Variants in PDE10A observed in about 807,000 individuals in gnomAD.
PDE10A encodes the protein cAMP and cAMP-inhibited cGMP 3',5'-cyclic phosphodiesterase 10A.
A neutral mutation model predicts 97.7 loss-of-function variants in PDE10A; 39 were observed. The ratio of observed to expected loss-of-function variants is 0.40; its 90% CI spans 0.31 to 0.52. The LOEUF (loss-of-function observed/expected upper bound fraction) is 0.52. PDE10A is among the 20% of genes least tolerant of loss of function. The pLI is 0.56. For missense variants in PDE10A, 731 were observed against 1,047.8 expected (o/e 0.70, Z 4.17); for synonymous variants, 371 against 376.8 (o/e 0.98, Z 0.18).
At chr6:165,547,711 A>G (rs1446464316) in intron 1 of PDE10A, among the ~76,000 whole-genome samples, 1 of 152,206 alleles carries the variant, frequency 6.6e-6, no homozygotes, top group African/African-American at 2.4e-5. Context: ...ATATTGAGCC[A>G]TAGAGCAGTG....
intron 18 of PDE10A, among the ~76,000 whole-genome samples, chr6:165,343,874 T>C (rs1562366183): frequency 1.3e-5 from 2 of 152,158 alleles, no homozygotes; most frequent in South Asian, 4.1e-4. Flanking sequence ...TGGGAAGACG[T>C]CTTAAGAGAA....
At position 165,328,667 on chromosome 6, in the gene PDE10A, G is replaced by A. The variant is rs898416866; in HGVS notation, c.*4358C>T. On this transcript the variant is annotated 3_prime_UTR_variant, in exon 22 of 22. Transcript: ENST00000539869. ...CAAGTGAGGACAGCATTGCTTCTTCGGATGTTAAATGTGTTTCTTAGGTAA... is the reference window on the plus strand; with the variant it reads ...CAAGTGAGGACAGCATTGCTTCTTCAGATGTTAAATGTGTTTCTTAGGTAA... 9 of 152,106 alleles carry A rather than the reference G, an allele frequency of 5.9e-5. No homozygotes were observed. Among genetic ancestry groups the A allele is most frequent in the African/African-American group, 1.9e-4 (8 of 41,420 alleles). 9.4% of individuals were successfully genotyped at this position (152,106 alleles called of 1,614,324 possible).
At chr6:165,893,208 T>A (rs1675271016) in intron 1 of PDE10A, among the ~76,000 whole-genome samples, 1 of 152,224 alleles carries the variant, frequency 6.6e-6, no homozygotes. Context: ...GTTATCAAAA[T>A]CAGGAAATAA....
chr6:165,664,970 T>C (rs139014771), upstream of PDE10A, among the ~76,000 whole-genome samples: 1,840 of 152,350 alleles, frequency 0.012, 24 homozygotes, highest in Non-Finnish European at 0.016. Context: ...CCCAAATATT[T>C]GTCCTGGGAG....
At chr6:165,679,437 T>G (rs904287761) in intron 1 of PDE10A, among the ~76,000 whole-genome samples, 1 of 152,176 alleles carries the variant, frequency 6.6e-6, no homozygotes, top group Admixed American at 6.5e-5. Context: ...CTGGAAAGAC[T>G]GCCTGGAAAG....
chr6:165,658,294 C>T (rs1022978364), intron 1 of PDE10A, among the ~76,000 whole-genome samples: 1 of 152,176 alleles, frequency 6.6e-6, no homozygotes, highest in African/African-American at 2.4e-5. Context: ...CTCCACAATT[C>T]CTGGGAGCAT....
At chr6:165,468,331 G>A (rs187802808) in intron 3 of PDE10A, among the ~76,000 whole-genome samples, 37 of 151,166 alleles carry the variant, frequency 2.4e-4, no homozygotes, top group Middle Eastern at 3.4e-3. Flanking sequence ...CTCGTGATCC[G>A]CCCGCCTCAG....
At chr6:165,839,246 T>G (rs1780148739) in intron 1 of PDE10A, among the ~76,000 whole-genome samples, 3 of 152,218 alleles carry the variant, frequency 2.0e-5, no homozygotes, top group Non-Finnish European at 4.4e-5. Context: ...AAATAGTGTC[T>G]TTCAGCAGAG....
chr6:165,366,856 T>C (rs756087423), intron 18 of PDE10A, among the ~76,000 whole-genome samples: 1 of 152,108 alleles, frequency 6.6e-6, no homozygotes, highest in African/African-American at 2.4e-5. Context: ...TGATGAGAAA[T>C]GCAACTGGCC....
intron 1 of PDE10A, among the ~76,000 whole-genome samples, chr6:165,707,712 CGTGT>C (rs917573215): frequency 4.8e-4 from 73 of 151,298 alleles, no homozygotes; most frequent in African/African-American, 1.7e-3. Flanking sequence ...TGAGACTGTG[CGTGT>C]GTGTATGAGT....
At chr6:165,457,379 A>G (rs1475440366) in intron 3 of PDE10A, among the ~76,000 whole-genome samples, 1 of 152,174 alleles carries the variant, frequency 6.6e-6, no homozygotes, top group African/African-American at 2.4e-5. Context: ...TCCCAAATCA[A>G]ATTGGATACC....
At chr6:165,621,396 G>A (rs1788126390) in intron 1 of PDE10A, among the ~76,000 whole-genome samples, 1 of 151,970 alleles carries the variant, frequency 6.6e-6, no homozygotes, top group Admixed American at 6.6e-5. Context: ...TTCTGGAATT[G>A]AAAAACCCCT....
chr6:165,675,677 C>G (rs942715152), intron 1 of PDE10A, among the ~76,000 whole-genome samples: 1 of 152,138 alleles, frequency 6.6e-6, no homozygotes, highest in Non-Finnish European at 1.5e-5. Flanking sequence ...GACCTCAATG[C>G]CAAGCCTCAT....
chr6:165,439,728 G>A (rs1183760919), intron 5 of PDE10A, among the ~76,000 whole-genome samples: 1 of 152,124 alleles, frequency 6.6e-6, no homozygotes, highest in African/African-American at 2.4e-5. Flanking sequence ...AAAAGATTGG[G>A]CGCACAAGTC....
chr6:165,713,199 G>A (rs879660711), intron 1 of PDE10A, among the ~76,000 whole-genome samples: 1 of 152,176 alleles, frequency 6.6e-6, no homozygotes, highest in Non-Finnish European at 1.5e-5. Context: ...ACGAGTGCCC[G>A]TGGGGTTCAG....
chr6:165,391,393 G>A (rs220795), intron 16 of PDE10A, among the ~76,000 whole-genome samples: 2 of 151,878 alleles, frequency 1.3e-5, no homozygotes, highest in African/African-American at 2.4e-5. Flanking sequence ...CAATTTTTTT[G>A]AATATAAATT....
In PDE10A at chr6:165,339,275, T is replaced by C; in HGVS notation, c.2976+3A>G. On this transcript the variant is annotated splice_donor_region_variant and intron_variant, in intron 20 of 21. Coordinates refer to ENST00000539869, the MANE Select transcript of PDE10A (RefSeq NM_001385079.1). ...AATTACAATTTACTTTAATAATTCA[T>C]ACCTGGCCTTGGGGGACTTCATCCT... is the stretch of plus-strand genomic sequence containing the variant. 6.4e-7 allele frequency: 1 copy of C among 1,557,352 alleles called. No homozygotes were observed. Among genetic ancestry groups the C allele is most frequent in the South Asian group, 1.1e-5 (1 of 89,978 alleles).
intron 1 of PDE10A, among the ~76,000 whole-genome samples, chr6:165,625,046 C>T (rs1213176292): frequency 6.6e-6 from 1 of 152,178 alleles, no homozygotes; most frequent in Non-Finnish European, 1.5e-5. Context: ...GCTCAAAGTG[C>T]ATGGAGAACA....
intron 2 of PDE10A, among the ~76,000 whole-genome samples, chr6:165,534,980 T>C (rs1350794950): frequency 2.0e-5 from 3 of 151,954 alleles, no homozygotes; most frequent in East Asian, 1.9e-4. Flanking sequence ...GAGTATCTAA[T>C]TGGAAAGGAA....
Sources: gnomAD v4.1 joint callset for allele counts (sites outside exome capture counted in the v4.1 genomes callset) on GRCh38, gnomAD v4.1.1 for gene constraint, MANE v1.5 for transcripts, NCBI Gene and HGNC (gene_info 2026-07-23, HGNC 2026-07-21) for gene names.